SUN5: variants seen among roughly 807,000 people sequenced by gnomAD.
SUN5 encodes SUN domain-containing protein 5.
Under a neutral mutation model 53.7 loss-of-function variants are expected in SUN5, and 44 were observed. That is an observed-to-expected ratio of 0.82 (90% CI 0.64 to 1.05). SUN5 has a LOEUF of 1.05. Ranked by LOEUF, SUN5 falls within the 50% of genes least tolerant of loss-of-function variation. The pLI, the probability that SUN5 is intolerant of heterozygous loss-of-function variation, is 0.00. For synonymous variants in SUN5, 166 were observed against 179.8 expected (o/e 0.92, Z 0.62); for missense variants, 433 against 483.8 (o/e 0.90, Z 0.98).
chr20:32,985,019 G>C, intron 12 of SUN5, 80 bp downstream of exon 12: 1 of 1,428,774 alleles, frequency 7.0e-7, no homozygotes, highest in South Asian at 1.2e-5. Flanking sequence ...GATACTGGGG[G>C]ATGAAGAGGG....
chr20:32,995,252 G>C (rs952321742), intron 8 of SUN5, among the ~76,000 whole-genome samples: 1 of 152,132 alleles, frequency 6.6e-6, no homozygotes, highest in Non-Finnish European at 1.5e-5. Context: ...TTTTCTACAA[G>C]CTCCCAGGGA....
rs148561420 is a variant in SUN5 at position 32,988,369 on chromosome 20, T to C, written c.614-594A>G. Among the ~76,000 whole-genome samples, 26 of 152,216 alleles carry C rather than the reference T, an allele frequency of 1.7e-4. No individual in the cohort carries two copies. In the East Asian group the frequency reaches 4.3e-3, roughly 25 times the overall value. Reference sequence around the variant, plus strand: ...AGGTGCTGCCTGGTAGGGGTTTGCGTTGGGGGCAGCCTGCGGCCCATACTT... The same window carrying C: ...AGGTGCTGCCTGGTAGGGGTTTGCGCTGGGGGCAGCCTGCGGCCCATACTT... On this transcript the variant is annotated intron_variant, in intron 9 of 12. Transcript: ENST00000356173.
intron 5 of SUN5, 75 bp downstream of exon 5, chr20:32,999,999 T>C (rs1989959134): frequency 6.4e-7 from 1 of 1,569,230 alleles, no homozygotes; most frequent in African/African-American, 1.3e-5. Flanking sequence ...TGCAGTGTCT[T>C]GCCCAGTGTC....
intron 5 of SUN5, 53 bp from the exon 6 acceptor site, chr20:32,997,740 C>T: frequency 6.2e-7 from 1 of 1,602,624 alleles, no homozygotes; most frequent in South Asian, 1.1e-5. Context: ...GATGAAGAGC[C>T]TAGGTGCTGG....
rs2274343 is a variant in SUN5, at chr20:32,985,722, A to C, written c.897+14T>G. ...CCTTTAGCTAAGCATAGCTCCCTGCAGGGGAGTGCTCACATAGATGACGAA... is the reference window on the plus strand; with the variant it reads ...CCTTTAGCTAAGCATAGCTCCCTGCCGGGGAGTGCTCACATAGATGACGAA... On this transcript the variant is annotated intron_variant, in intron 11 of 12. Transcript: ENST00000356173. 1,024,543 of 1,612,806 alleles carry C rather than the reference A, an allele frequency of 0.64. 332,271 individuals are homozygous for C. The highest frequency in any genetic ancestry group is 0.8 in the African/African-American group (60,022 of 74,958).
At chr20:32,984,939 G>A (rs377119113) in intron 12 of SUN5, among the ~76,000 whole-genome samples, 160 bp downstream of exon 12, 25 of 152,316 alleles carry the variant, frequency 1.6e-4, no homozygotes, top group Middle Eastern at 6.8e-3. Context: ...CCTGGGTAGC[G>A]GCTCCTACTC....
At chr20:32,996,773 A>AC (rs1989862877) in intron 6 of SUN5, among the ~76,000 whole-genome samples, 1 of 151,820 alleles carries the variant, frequency 6.6e-6, no homozygotes, top group South Asian at 2.1e-4. Flanking sequence ...CATTTCATCC[A>AC]CCCATTCACC....
chr20:32,984,367 T>G (rs191335277), intron 12 of SUN5, among the ~76,000 whole-genome samples: 4 of 152,274 alleles, frequency 2.6e-5, no homozygotes, highest in Admixed American at 2.6e-4. Context: ...ATCCACAGAC[T>G]CCCGGCACAT....
Position 33,004,389 on chromosome 20 carries a change from G to A in SUN5, c.-49C>T. ...GATGGAGATGGGAACTCTGGGAGCT[G>A]GTGAGGAGGAAGGGGCTGATGCCTC... On this transcript the variant is annotated 5_prime_UTR_variant, in exon 1 of 13. Transcript: ENST00000356173. 6.6e-7 allele frequency: 1 copy of A among 1,515,268 alleles called. No individual in the cohort carries two copies. Among genetic ancestry groups the A allele is most frequent in the Non-Finnish European group, 8.9e-7 (1 of 1,129,192 alleles). 93.9% of individuals were successfully genotyped at this position (1,515,268 alleles called of 1,614,324 possible).
chr20:32,995,022 G>A (rs952509570), intron 8 of SUN5, among the ~76,000 whole-genome samples: 1 of 152,156 alleles, frequency 6.6e-6, no homozygotes. Context: ...AGGTAATAGC[G>A]TAGGAATCAC....
rs1989653959 is a variant in SUN5, at chr20:32,989,617, T to C, written c.613+3A>G. 4 of 1,613,728 alleles carry C rather than the reference T, an allele frequency of 2.5e-6. No individual in the cohort carries two copies. The highest frequency in any genetic ancestry group is 2.7e-5 in the African/African-American group (2 of 74,858). ...TCAGATGGTGGGGAAGGGGGTCACC[T>C]ACCTATAGACTTCAGGGCAAAGTCT... On this transcript the variant is annotated splice_donor_region_variant and intron_variant, in intron 9 of 12. Coordinates refer to ENST00000356173, the MANE Select transcript of SUN5 (RefSeq NM_080675.4).
chr20:32,987,831 G>A, intron 9 of SUN5, 56 bp from the exon 10 acceptor site: 2 of 1,423,662 alleles, frequency 1.4e-6, no homozygotes, highest in Non-Finnish European at 2.0e-6. Context: ...TGGTGGAGGG[G>A]ACGCCACTGA....
intron 4 of SUN5, among the ~76,000 whole-genome samples, chr20:33,000,441 A>C (rs968841659): frequency 7.2e-5 from 11 of 152,234 alleles, no homozygotes; most frequent in African/African-American, 2.7e-4. Flanking sequence ...TTTAAAATTT[A>C]AACTTCAAAT....
At chr20:33,004,184 T>C (rs1234286186) in intron 1 of SUN5, 80 bp downstream of exon 1, 2 of 1,416,476 alleles carry the variant, frequency 1.4e-6, no homozygotes, top group Admixed American at 2.6e-5. Context: ...ACAATGCCAC[T>C]CATCTCCAAG....
At chr20:32,988,831 C>T (rs1043112760) in intron 9 of SUN5, among the ~76,000 whole-genome samples, 3 of 152,114 alleles carry the variant, frequency 2.0e-5, no homozygotes, top group South Asian at 2.1e-4. Flanking sequence ...TCAGGTGATC[C>T]GCCTTCCTCG....
intron 8 of SUN5, among the ~76,000 whole-genome samples, chr20:32,992,681 C>T (rs774937374): frequency 1.3e-5 from 2 of 152,136 alleles, no homozygotes; most frequent in Non-Finnish European, 2.9e-5. Context: ...GAGATATTTG[C>T]AATATGTACA....
chr20:32,988,564 C>T (rs1989612608), intron 9 of SUN5, among the ~76,000 whole-genome samples: 1 of 151,074 alleles, frequency 6.6e-6, no homozygotes, highest in Admixed American at 6.6e-5. Context: ...CTTCCGGAAG[C>T]ACTGATTATT....
chr20:33,001,139 T>A, intron 4 of SUN5, 73 bp downstream of exon 4: 2 of 1,503,192 alleles, frequency 1.3e-6, no homozygotes, highest in Non-Finnish European at 1.8e-6. Flanking sequence ...TCCAAACTGA[T>A]GGAGGGGCTG....
chr20:33,003,554 G>A (rs1414997003), intron 1 of SUN5, among the ~76,000 whole-genome samples: 1 of 151,936 alleles, frequency 6.6e-6, no homozygotes, highest in South Asian at 2.1e-4. Flanking sequence ...CTGCACCTTG[G>A]GACCTCTTGA....
Sources: allele counts gnomAD v4.1 joint callset (sites outside exome capture counted in the v4.1 genomes callset), GRCh38; gene constraint gnomAD v4.1.1; transcripts MANE v1.5; gene names NCBI Gene and HGNC (gene_info 2026-07-23, HGNC 2026-07-21).